GALNT18: variants seen among roughly 807,000 people sequenced by gnomAD.
GALNT18 encodes the protein polypeptide N-acetylgalactosaminyltransferase 18.
GALNT18 carries 44 observed loss-of-function variants against 69.5 expected under a neutral mutation model. The ratio of observed to expected loss-of-function variants is 0.63; its 90% CI spans 0.50 to 0.81. GALNT18 has a LOEUF of 0.81. Ranked by LOEUF, GALNT18 falls within the 40% of genes least tolerant of loss-of-function variation. The probability of loss-of-function intolerance (pLI) is 0.00; values close to 1 mark genes in which losing one functional copy is unlikely to be tolerated. For missense variants in GALNT18, 715 were observed against 810.0 expected, an observed-to-expected ratio of 0.88 and a Z score of 1.42; for synonymous variants, 364 against 318.2, an observed-to-expected ratio of 1.14 and a Z score of -1.53.
chr11:11,513,149 A>T (rs1039565704), intron 1 of GALNT18, among the ~76,000 whole-genome samples: 1 of 152,094 alleles, frequency 6.6e-6, no homozygotes, highest in Non-Finnish European at 1.5e-5. Flanking sequence ...GGACACTCAG[A>T]CCTGGGCTCA....
In GALNT18 at chr11:11,621,639, T is replaced by C. The variant is rs966183809; in HGVS notation, c.-46A>G. On this transcript the variant is annotated 5_prime_UTR_variant, in exon 1 of 11. Coordinates refer to ENST00000227756, the MANE Select transcript of GALNT18 (RefSeq NM_198516.3). This position sits in a 1 kb window ranked among gnomAD's most constrained non-coding sequence, Gnocchi z 9.3. ...TAGAGCTCCCGGGGGCCCTTCCTTG[T>C]CGTGCGCCCCGAACTCCCCCGCGCT... 4.2e-6 allele frequency: 6 copies of C among 1,442,210 alleles called. No homozygotes were observed. The African/African-American group carries it at 8.5e-5, about 20-fold the overall frequency. 89.3% of individuals were successfully genotyped at this position (1,442,210 alleles called of 1,614,324 possible).
intron 1 of GALNT18, among the ~76,000 whole-genome samples, chr11:11,472,860 C>T (rs976614489): frequency 6.6e-6 from 1 of 152,086 alleles, no homozygotes; most frequent in Non-Finnish European, 1.5e-5. Flanking sequence ...GGTGCAGTGG[C>T]TCCCACCTGT....
rs1462284449 is a variant in GALNT18, at chr11:11,315,221, T to C, written c.1512+11865A>G. On this transcript the variant is annotated intron_variant, in intron 9 of 10. Coordinates refer to ENST00000227756, the MANE Select transcript of GALNT18 (RefSeq NM_198516.3). The surrounding 1 kb of genome is among the most constrained non-coding windows in gnomAD (Gnocchi z 5.6). ...ACTTGAGGTCAAGAGAAATTATGTG[T>C]TCAGTTCCAGGTCACAAGCTAACCA... Among the ~76,000 whole-genome samples, 1 of 152,222 alleles carries C rather than the reference T, an allele frequency of 6.6e-6. No homozygotes were observed. The highest frequency in any genetic ancestry group is 1.5e-5 in the Non-Finnish European group (1 of 68,042).
chr11:11,437,938 C>T (rs1248310776), intron 2 of GALNT18, among the ~76,000 whole-genome samples: 1 of 152,146 alleles, frequency 6.6e-6, no homozygotes. Context: ...GGCAACCACT[C>T]CCCTCAGGGG....
chr11:11,561,180 C>T (rs7942965), intron 1 of GALNT18, among the ~76,000 whole-genome samples: 2,742 of 152,200 alleles, frequency 0.018, 58 homozygotes, highest in African/African-American at 0.044. Flanking sequence ...TGCGAGGCGC[C>T]TTTTTCAGGG....
rs1207407374 is a variant in GALNT18 at position 11,563,782 on chromosome 11, C to T, written c.235+57577G>A. Among the ~76,000 whole-genome samples, 1 of 152,228 alleles carries T rather than the reference C, an allele frequency of 6.6e-6. No homozygotes were observed. Among genetic ancestry groups the T allele is most frequent in the South Asian group, 2.1e-4 (1 of 4,834 alleles). ...TGGAAACTATTCTGAGAAATCAAAG[C>T]AGCTCTTTTCTATCCAGAACTATAA... is the stretch of plus-strand genomic sequence containing the variant. On this transcript the variant is annotated intron_variant, in intron 1 of 10. Coordinates refer to ENST00000227756, the MANE Select transcript of GALNT18 (RefSeq NM_198516.3). The surrounding 1 kb of genome is among the most constrained non-coding windows in gnomAD (Gnocchi z 4.6).
chr11:11,448,265 A>G (rs908314587), intron 2 of GALNT18, among the ~76,000 whole-genome samples: 36 of 152,328 alleles, frequency 2.4e-4, no homozygotes, highest in African/African-American at 8.7e-4. Context: ...CACATTTTCA[A>G]TAATTGGGAG....
Position 11,600,381 on chromosome 11 carries a change from C to T in GALNT18, c.235+20978G>A, listed in dbSNP as rs1411347134. The stretch of plus-strand genomic sequence containing the variant: ...TGACTTTATTTTGTATTCATTTTGT[C>T]TTCAACTATTCTTTTGAAGAATAGT... On this transcript the variant is annotated intron_variant, in intron 1 of 10. Coordinates refer to ENST00000227756, the MANE Select transcript of GALNT18 (RefSeq NM_198516.3). The surrounding 1 kb of genome is among the most constrained non-coding windows in gnomAD (Gnocchi z 4.8). Among the ~76,000 whole-genome samples the T allele has an allele frequency of 6.6e-6, 1 of 151,922 alleles. No homozygotes were observed. The highest frequency in any genetic ancestry group is 1.5e-5 in the Non-Finnish European group (1 of 67,900).
At position 11,332,654 on chromosome 11, in the gene GALNT18, T is replaced by C. The variant is rs763204015; in HGVS notation, c.1416+40A>G. ...CCTTTCTTCACTATGTTTCTTTCTGTCTGTGTCTGAATGAAACCCGGAGGA... is the reference window on the plus strand; with the variant it reads ...CCTTTCTTCACTATGTTTCTTTCTGCCTGTGTCTGAATGAAACCCGGAGGA... On this transcript the variant is annotated intron_variant, in intron 8 of 10. Coordinates refer to ENST00000227756, the MANE Select transcript of GALNT18 (RefSeq NM_198516.3). This position sits in a 1 kb window ranked among gnomAD's most constrained non-coding sequence, Gnocchi z 4.3. 4 of 1,607,396 alleles carry C rather than the reference T, an allele frequency of 2.5e-6. No homozygotes were observed. The highest frequency in any genetic ancestry group is 1.1e-5 in the South Asian group (1 of 90,874).
At chr11:11,434,590 G>A (rs1564947588) in intron 2 of GALNT18, among the ~76,000 whole-genome samples, 1 of 152,244 alleles carries the variant, frequency 6.6e-6, no homozygotes. Flanking sequence ...GGTCAGGAAG[G>A]CCTCTCTGAG....
At position 11,334,877 on chromosome 11, in the gene GALNT18, A is replaced by T. The variant is rs139029894; in HGVS notation, c.1279-2046T>A. Among the ~76,000 whole-genome samples the T allele has an allele frequency of 1.5e-3, 227 of 152,274 alleles. 3 individuals carry two copies. In the East Asian group the frequency reaches 0.029, roughly 19 times the overall value. On this transcript the variant is annotated intron_variant, in intron 7 of 10. Coordinates refer to ENST00000227756, the MANE Select transcript of GALNT18 (RefSeq NM_198516.3). ...ATGAGCTACTCTGCTGGGTGAAGAA[A>T]ATATTTATGAAGTGGTGAACACAGG...
chr11:11,512,854 C>T (rs904400506), intron 1 of GALNT18, among the ~76,000 whole-genome samples: 1 of 152,210 alleles, frequency 6.6e-6, no homozygotes, highest in African/African-American at 2.4e-5. Context: ...TGCCTCTCGA[C>T]AAAGTCCCAT....
chr11:11,393,982 G>A (rs967413740), intron 3 of GALNT18, among the ~76,000 whole-genome samples: 4 of 152,068 alleles, frequency 2.6e-5, no homozygotes, highest in African/African-American at 4.8e-5. Context: ...CTGGGTGTGC[G>A]GCAGCCCTGA....
At chr11:11,349,636 C>T (rs976316633) in intron 6 of GALNT18, among the ~76,000 whole-genome samples, 13 of 152,190 alleles carry the variant, frequency 8.5e-5, no homozygotes, top group Middle Eastern at 3.2e-3. Flanking sequence ...AGACACTAAA[C>T]AGGGCTGGCA....
intron 1 of GALNT18, among the ~76,000 whole-genome samples, chr11:11,488,877 C>T (rs983430868): frequency 6.6e-6 from 1 of 152,226 alleles, no homozygotes; most frequent in East Asian, 1.9e-4. Flanking sequence ...AAGCCAAGAG[C>T]TTTAACCTCT....
intron 1 of GALNT18, among the ~76,000 whole-genome samples, chr11:11,560,112 G>GATATGGTGGGATGGGGTGGA (rs1341675288): frequency 1.1e-3 from 1 of 920 alleles, no homozygotes; most frequent in Non-Finnish European, 2.4e-3. Context: ...AATAGAATAA[G>GATATGGTGGGATGGGGTGGA]ATACAATGGG....
At chr11:11,405,666 G>T (rs1854573411) in intron 3 of GALNT18, among the ~76,000 whole-genome samples, 1 of 152,248 alleles carries the variant, frequency 6.6e-6, no homozygotes, top group South Asian at 2.1e-4. Context: ...CAGACCACAA[G>T]TGGGGGCCCT....
chr11:11,297,693 T>G (rs1849426092), intron 9 of GALNT18, among the ~76,000 whole-genome samples: 1 of 152,160 alleles, frequency 6.6e-6, no homozygotes, highest in Non-Finnish European at 1.5e-5. Flanking sequence ...CCTGTAACTC[T>G]GGTCTGAGGC....
chr11:11,405,479 G>A (rs1038149781), intron 3 of GALNT18, among the ~76,000 whole-genome samples: 1 of 152,174 alleles, frequency 6.6e-6, no homozygotes, highest in Admixed American at 6.5e-5. Context: ...TGACTTGGAG[G>A]AGGAGGGTAC....
Sources: gnomAD v4.1 joint callset for allele counts (sites outside exome capture counted in the v4.1 genomes callset) on GRCh38, gnomAD v4.1.1 for gene constraint, Gnocchi (gnomAD v3.1) non-coding constraint, MANE v1.5 for transcripts, NCBI Gene and HGNC (gene_info 2026-07-23, HGNC 2026-07-21) for gene names.